The following DACH2 variants were observed in gnomAD, a reference collection of about 807,000 sequenced individuals.
DACH2 encodes dachshund family transcription factor 2, also known as dachshund homolog 2.
Under a neutral mutation model 35.8 loss-of-function variants are expected in DACH2, and 17 were observed. That is an observed-to-expected ratio of 0.48 (90% CI 0.33 to 0.71). The LOEUF is 0.71. DACH2 is among the 30% of genes least tolerant of loss of function. DACH2 has a pLI of 0.02. For synonymous variants in DACH2, 195 were observed against 177.3 expected (o/e 1.10, Z -0.79); for missense variants, 469 against 472.7 (o/e 0.99, Z 0.07).
At chrX:86,610,433 T>G (rs1481899035) in intron 3 of DACH2, among the ~76,000 whole-genome samples, 1 of 98,675 alleles carries the variant, frequency 1.0e-5, no homozygotes, top group Non-Finnish European at 2.0e-5. Flanking sequence ...TTTCTTTCTT[T>G]CTTTCTTTCT....
chrX:86,733,137 C>T (rs759881681), intron 6 of DACH2, among the ~76,000 whole-genome samples: 1 of 111,811 alleles, frequency 8.9e-6, no homozygotes, highest in Non-Finnish European at 1.9e-5. Context: ...TGAAAACACA[C>T]ATATGCCTTC....
At chrX:86,512,325 C>A (rs2038408055) in intron 2 of DACH2, among the ~76,000 whole-genome samples, 1 of 110,160 alleles carries the variant, frequency 9.1e-6, no homozygotes, top group African/African-American at 3.3e-5. Context: ...AAATCTTCAC[C>A]TTTAAGGTAG....
intron 7 of DACH2, among the ~76,000 whole-genome samples, chrX:86,742,892 T>C (rs2041671616): frequency 9.0e-6 from 1 of 111,414 alleles, no homozygotes; most frequent in African/African-American, 3.2e-5. Context: ...TATCTGAAGA[T>C]TGTTTATTTG....
chrX:86,493,135 G>GT (rs888150829), intron 2 of DACH2, among the ~76,000 whole-genome samples: 14 of 110,452 alleles, frequency 1.3e-4, no homozygotes, highest in African/African-American at 3.9e-4. Context: ...TTGTTTTTTT[G>GT]TTTTTTTGTT....
intron 1 of DACH2, among the ~76,000 whole-genome samples, chrX:86,157,147 T>C (rs769673251): frequency 6.3e-5 from 7 of 111,664 alleles, no homozygotes; most frequent in Admixed American, 9.5e-5. Context: ...AAGTATATGG[T>C]ACAGGAAAGT....
intron 1 of DACH2, among the ~76,000 whole-genome samples, chrX:86,175,693 G>T (rs1202384601): frequency 9.0e-6 from 1 of 111,421 alleles, no homozygotes; most frequent in African/African-American, 3.3e-5. Context: ...ACAAGTAGAA[G>T]TATCTTCCTT....
chrX:86,207,634 A>G (rs1263034961), intron 1 of DACH2, among the ~76,000 whole-genome samples: 1 of 111,732 alleles, frequency 8.9e-6, no homozygotes, highest in African/African-American at 3.2e-5. Flanking sequence ...GACAGTAATG[A>G]ATCTAGAAAC....
At chrX:86,270,639 G>A (rs1479517262) in intron 1 of DACH2, among the ~76,000 whole-genome samples, 1 of 111,950 alleles carries the variant, frequency 8.9e-6, no homozygotes, top group African/African-American at 3.2e-5. Flanking sequence ...GCCACAAGCA[G>A]GTTATCAAAA....
At chrX:86,320,081 C>T (rs57246517) in intron 1 of DACH2, among the ~76,000 whole-genome samples, 1 of 111,052 alleles carries the variant, frequency 9.0e-6, no homozygotes, top group African/African-American at 3.3e-5. Flanking sequence ...GATTTTTTTT[C>T]CAAAATGGGA....
At position 86,417,106 on chromosome X, in the gene DACH2, A is replaced by AC. The variant is rs2036718336; in HGVS notation, c.527+40244_527+40245insC. Among the ~76,000 whole-genome samples the AC allele has an allele frequency of 2.9e-5, 3 of 104,608 alleles. No homozygotes were observed. In the Admixed American group the frequency reaches 3.1e-4, roughly 11 times the overall value. The allele number at this position is 104,608 out of a possible 115,157, so 90.8% of individuals were successfully genotyped here. A position where few individuals can be genotyped will look rare whatever the true frequency, so the allele number is the denominator to read the frequency against. ...CTCCATCTCAAAAAAAAAAAAAAAA[A>AC]AAAAAAAAAGAAACCACAGTCAGAT... On this transcript the variant is annotated intron_variant, in intron 2 of 11. Transcript: ENST00000373125.
At position 86,254,420 on chromosome X, in the gene DACH2, TTC is replaced by T. The variant is rs58960564; in HGVS notation, c.488+105316_488+105317del. On this transcript the variant is annotated intron_variant, in intron 1 of 11. Coordinates refer to ENST00000373125, the MANE Select transcript of DACH2 (RefSeq NM_053281.3). ...TTGAGATTTTCATGTGATGCTCTCT[TTC>T]TCTTTTTTTGTATGCCCTTAAGTAT... Among the ~76,000 whole-genome samples the T allele has an allele frequency of 5.5e-3, 613 of 110,825 alleles. 3 individuals are homozygous for T. The highest frequency in any genetic ancestry group is 0.02 in the African/African-American group (601 of 30,560).
At position 86,149,097 on chromosome X, in the gene DACH2, C is replaced by A. The variant is rs760607992; in HGVS notation, c.477C>A (p.Cys159Ter). Residue 159 changes from cysteine to a stop codon, truncating the protein, a stop_gained, in exon 1 of 12, where the codon TGC (cysteine) becomes TGA (stop). Transcript: ENST00000373125. LOFTEE classifies it high-confidence loss of function. ...RKDFETLFTDCTNARRKRQMT... is the reference protein window; with the variant it reads ...RKDFETLFTD ...ACTTCGAAACTTTGTTCACCGATTG[C>A]ACCAATGCCAGGTGAGACACTCGTT... 1 of 1,180,101 alleles carries A rather than the reference C, an allele frequency of 8.5e-7. No individual in the cohort carries two copies. The highest frequency in any genetic ancestry group is 1.1e-6 in the Non-Finnish European group (1 of 878,199).
At chrX:86,280,135 C>A (rs2033995982) in intron 1 of DACH2, among the ~76,000 whole-genome samples, 1 of 110,316 alleles carries the variant, frequency 9.1e-6, no homozygotes, top group Non-Finnish European at 1.9e-5. Flanking sequence ...AAGAGCAACC[C>A]CAAGACACAT....
At chrX:86,429,035 A>C (rs1357500078) in intron 2 of DACH2, among the ~76,000 whole-genome samples, 1 of 109,888 alleles carries the variant, frequency 9.1e-6, no homozygotes, top group Non-Finnish European at 1.9e-5. Flanking sequence ...TTAATTCACG[A>C]CCAGATCTAC....
rs765078190 is a variant in DACH2 at position 86,671,574 on chromosome X, A to G, written c.772+20407A>G. Among the ~76,000 whole-genome samples, 54 of 111,733 alleles carry G rather than the reference A, an allele frequency of 4.8e-4. 1 individual carries two copies. The highest frequency in any genetic ancestry group is 8.5e-4 in the Non-Finnish European group (45 of 53,173). On this transcript the variant is annotated intron_variant, in intron 4 of 11. Coordinates refer to ENST00000373125, the MANE Select transcript of DACH2 (RefSeq NM_053281.3). ...TCTGTTCCTCCTGTTCCAGCCATGT[A>G]TAACATGCCTGCTTCCTTCCCCTTT... is the stretch of plus-strand genomic sequence containing the variant.
rs769738733 is a variant in DACH2 at position 86,660,848 on chromosome X, G to A, written c.772+9681G>A. ...GTTTCTGTTTACTTTTTTAAAGGCA[G>A]TTTAATAAGCATATAGTTTCACATA... On this transcript the variant is annotated intron_variant, in intron 4 of 11. Coordinates refer to ENST00000373125, the MANE Select transcript of DACH2 (RefSeq NM_053281.3). Among the ~76,000 whole-genome samples, 3 of 111,215 alleles carry A rather than the reference G, an allele frequency of 2.7e-5. No homozygotes were observed. The East Asian group carries it at 8.5e-4, about 32-fold the overall frequency.
intron 4 of DACH2, among the ~76,000 whole-genome samples, chrX:86,690,351 C>T (rs758260174): frequency 1.7e-4 from 19 of 111,692 alleles, no homozygotes; most frequent in African/African-American, 5.2e-4. Context: ...ATGGGAAATG[C>T]GGAAGTGCTA....
At chrX:86,793,333 G>A (rs1471610607) in intron 7 of DACH2, among the ~76,000 whole-genome samples, 1 of 111,004 alleles carries the variant, frequency 9.0e-6, no homozygotes, top group Non-Finnish European at 1.9e-5. Context: ...TTCAATAGGT[G>A]TAGTGTGTCT....
At chrX:86,292,555 G>A (rs1191034293) in intron 1 of DACH2, among the ~76,000 whole-genome samples, 1 of 110,597 alleles carries the variant, frequency 9.0e-6, no homozygotes, top group Admixed American at 9.7e-5. Context: ...TTTCTCTTGT[G>A]GGCATTTAGT....
Sources: gnomAD v4.1 joint callset for allele counts (sites outside exome capture counted in the v4.1 genomes callset) on GRCh38, gnomAD v4.1.1 for gene constraint, MANE v1.5 for transcripts, NCBI Gene and HGNC (gene_info 2026-07-23, HGNC 2026-07-21) for gene names.